Variants in SLC25A13 observed in about 807,000 individuals in gnomAD.
SLC25A13 encodes the protein solute carrier family 25 member 13.
In SLC25A13, 70 loss-of-function variants were observed where a neutral mutation model predicts 85.5. The observed-to-expected ratio is 0.82, with a 90% CI of 0.68 to 1.00. The LOEUF (loss-of-function observed/expected upper bound fraction) is 1.00. SLC25A13 is among the 50% of genes least tolerant of loss of function. SLC25A13 has a pLI of 0.00. For missense variants in SLC25A13, 765 were observed against 819.8 expected (o/e 0.93, Z 0.82); for synonymous variants, 259 against 288.7 (o/e 0.90, Z 1.04).
Position 96,121,875 on chromosome 7 carries a change from C to T in SLC25A13, c.1714G>A (p.Glu572Lys). 4 of 1,614,192 alleles carry T rather than the reference C, an allele frequency of 2.5e-6. No homozygotes were observed. Among genetic ancestry groups the T allele is most frequent in the Non-Finnish European group, 3.4e-6 (4 of 1,180,036 alleles). Residue 572 changes from glutamate (E) to lysine (K), a missense_variant, in exon 16 of 18, where the codon GAA (glutamate) becomes AAA (lysine). Glu to Lys is a moderately conservative substitution (Grantham distance 56, BLOSUM62 1). Coordinates refer to ENST00000265631, the MANE Select transcript of SLC25A13 (RefSeq NM_014251.3). ...VIDCFRKILR[E>K]EGPKALWKGA... ...TTCCACAGAGCTTTTGGTCCTTCTT[C>T]ACGCAGTATCTTTCTAAAGCAGTCT...
chr7:96,288,982 A>T (rs1799002973), intron 2 of SLC25A13, among the ~76,000 whole-genome samples: 1 of 152,192 alleles, frequency 6.6e-6, no homozygotes, highest in African/African-American at 2.4e-5. Flanking sequence ...CTGAGCCCCA[A>T]GTAGCCTAAC....
chr7:96,237,278 C>T (rs754036091), intron 3 of SLC25A13, among the ~76,000 whole-genome samples: 1 of 152,100 alleles, frequency 6.6e-6, no homozygotes, highest in Non-Finnish European at 1.5e-5. Context: ...GCAAATGGAC[C>T]GACTTTGGTT....
intron 13 of SLC25A13, among the ~76,000 whole-genome samples, chr7:96,155,993 TACA>T (rs1197435711): frequency 3.3e-5 from 5 of 152,242 alleles, no homozygotes; most frequent in Non-Finnish European, 5.9e-5. Flanking sequence ...GCAGATTCAA[TACA>T]ACAATTCATT....
chr7:96,164,711 TACACACACACACAC>T (rs56377235), intron 13 of SLC25A13, among the ~76,000 whole-genome samples: 5 of 143,150 alleles, frequency 3.5e-5, no homozygotes, highest in South Asian at 4.7e-4. Context: ...GGATTAACTT[TACACACACACACAC>T]ACACACACAC....
intron 1 of SLC25A13, among the ~76,000 whole-genome samples, chr7:96,314,208 G>A (rs1479392501): frequency 1.3e-5 from 2 of 151,932 alleles, no homozygotes; most frequent in African/African-American, 4.8e-5. Flanking sequence ...GGGGTAATAT[G>A]AGATGCTAGA....
chr7:96,316,896 G>A (rs1478491619), intron 1 of SLC25A13, among the ~76,000 whole-genome samples: 1 of 152,132 alleles, frequency 6.6e-6, no homozygotes, highest in African/African-American at 2.4e-5. Flanking sequence ...ACAGAGTGAG[G>A]CCACAGCTGC....
intron 3 of SLC25A13, among the ~76,000 whole-genome samples, chr7:96,256,822 A>C (rs111387378): frequency 0.022 from 3,283 of 152,250 alleles, 71 homozygotes; most frequent in African/African-American, 0.058. Context: ...ATTGGAAGTA[A>C]AACACTCCTC....
At chr7:96,299,451 T>C (rs1007143557) in intron 1 of SLC25A13, among the ~76,000 whole-genome samples, 1 of 152,210 alleles carries the variant, frequency 6.6e-6, no homozygotes, top group African/African-American at 2.4e-5. Flanking sequence ...AAGATGGATA[T>C]TACTGCCCTA....
intron 5 of SLC25A13, 125 bp from the exon 6 acceptor site, chr7:96,193,308 C>A (rs1436439309): frequency 4.3e-6 from 5 of 1,151,322 alleles, no homozygotes; most frequent in Non-Finnish European, 6.2e-6. Context: ...AAGCCCTCAT[C>A]TGCCTAATAG....
intron 5 of SLC25A13, among the ~76,000 whole-genome samples, chr7:96,194,602 T>C (rs755118622): frequency 6.6e-6 from 1 of 152,068 alleles, no homozygotes; most frequent in Admixed American, 6.5e-5. Context: ...TAAAAAATAA[T>C]TGTCCTTATG....
chr7:96,135,864 T>TC, intron 14 of SLC25A13, among the ~76,000 whole-genome samples: 1 of 149,808 alleles, frequency 6.7e-6, no homozygotes, highest in East Asian at 1.9e-4. Context: ...TTTGGTTTTT[T>TC]TTTTTTTTTT....
intron 3 of SLC25A13, among the ~76,000 whole-genome samples, chr7:96,271,770 A>G (rs542239594): frequency 2.0e-5 from 3 of 152,232 alleles, no homozygotes; most frequent in African/African-American, 7.2e-5. Context: ...GTATTTTTGG[A>G]TATTATATGT....
At chr7:96,172,956 C>G (rs1454011323) in intron 11 of SLC25A13, among the ~76,000 whole-genome samples, 1 of 152,292 alleles carries the variant, frequency 6.6e-6, no homozygotes, top group East Asian at 1.9e-4. Flanking sequence ...GATGGGGTTT[C>G]ACCATGTTAG....
intron 11 of SLC25A13, 59 bp downstream of exon 11, chr7:96,184,218 G>T: frequency 6.3e-7 from 1 of 1,597,688 alleles, no homozygotes; most frequent in Admixed American, 1.7e-5. Context: ...GCACTAAGAT[G>T]AGAAACCAAA....
intron 4 of SLC25A13, among the ~76,000 whole-genome samples, chr7:96,227,901 G>A (rs1226353974): frequency 6.6e-6 from 1 of 152,052 alleles, no homozygotes; most frequent in Admixed American, 6.6e-5. Context: ...TTTCGCTCTT[G>A]TCACCCAGGC....
chr7:96,173,138 G>C (rs17167385), intron 11 of SLC25A13, among the ~76,000 whole-genome samples: 1 of 152,184 alleles, frequency 6.6e-6, no homozygotes, highest in African/African-American at 2.4e-5. Flanking sequence ...TATAAAGGGG[G>C]AAAACTAAAA....
intron 3 of SLC25A13, among the ~76,000 whole-genome samples, chr7:96,247,283 C>T (rs1188040538): frequency 6.6e-6 from 1 of 151,924 alleles, no homozygotes; most frequent in Non-Finnish European, 1.5e-5. Flanking sequence ...TCATTTTACC[C>T]ATGTAAACAA....
intron 3 of SLC25A13, among the ~76,000 whole-genome samples, chr7:96,253,343 A>G (rs368662604): frequency 5.3e-5 from 8 of 152,156 alleles, no homozygotes; most frequent in Admixed American, 3.9e-4. Flanking sequence ...TTGAAACAGT[A>G]TCTGCAGGTA....
intron 1 of SLC25A13, among the ~76,000 whole-genome samples, chr7:96,311,073 T>A (rs1167931288): frequency 2.6e-5 from 4 of 152,188 alleles, no homozygotes; most frequent in African/African-American, 9.7e-5. Context: ...TATATAGACA[T>A]ACATACATAC....
Sources: gnomAD v4.1 joint callset for allele counts (sites outside exome capture counted in the v4.1 genomes callset) on GRCh38, gnomAD v4.1.1 for gene constraint, MANE v1.5 for transcripts, NCBI Gene and HGNC (gene_info 2026-07-23, HGNC 2026-07-21) for gene names.